PTPA: variants seen among roughly 807,000 people sequenced by gnomAD.
PTPA encodes the protein serine/threonine-protein phosphatase 2A activator.
Under a neutral mutation model 43.6 loss-of-function variants are expected in PTPA, and 13 were observed. The observed-to-expected ratio is 0.30, with a 90% confidence interval of 0.19 to 0.47. The LOEUF is 0.47. Ranked by LOEUF, PTPA falls within the 20% of genes least tolerant of loss-of-function variation. The pLI is 0.99. For synonymous variants in PTPA, 172 were observed against 158.2 expected (o/e 1.09, Z -0.66); for missense variants, 329 against 411.9 (o/e 0.80, Z 1.74).
chr9:129,110,989 A>T, upstream of PTPA: 1 of 1,371,212 alleles, frequency 7.3e-7, no homozygotes, highest in Non-Finnish European at 9.8e-7. This position sits in a 1 kb window ranked among gnomAD's most constrained non-coding sequence, Gnocchi z 5.3. Flanking sequence ...GTCACCGTCC[A>T]GCTGTCTCTC....
At chr9:129,126,737 GTTTCAGCCCCAGTTCCCTTTC>G (rs375927782) in intron 3 of PTPA, among the ~76,000 whole-genome samples, 33 of 152,288 alleles carry the variant, frequency 2.2e-4, no homozygotes, top group African/African-American at 7.5e-4. Context: ...CCTCGAAGGT[GTTTCAGCCCCAGTTCCCTTTC>G]TTTCAGCCCT....
At chr9:129,143,314 T>G in intron 9 of PTPA, 1 of 703,078 alleles carries the variant, frequency 1.4e-6, no homozygotes. Context: ...AGGGAAGGGC[T>G]GGATGTGAAG....
intron 9 of PTPA, among the ~76,000 whole-genome samples, chr9:129,147,058 G>A (rs561884263): frequency 3.8e-4 from 58 of 152,302 alleles, no homozygotes; most frequent in African/African-American, 1.3e-3. Context: ...TGGGCTGGGG[G>A]TCCCCAGTGA....
chr9:129,114,967 C>T (rs1234471400), intron 1 of PTPA, among the ~76,000 whole-genome samples: 5 of 152,092 alleles, frequency 3.3e-5, no homozygotes, highest in Admixed American at 3.3e-4. Flanking sequence ...TGTGAAATAT[C>T]CCGGTTAAAT....
intron 3 of PTPA, chr9:129,128,024 G>T (rs775294820): frequency 7.4e-7 from 1 of 1,348,062 alleles, no homozygotes; most frequent in East Asian, 4.7e-5. Context: ...GTCCTGCGAT[G>T]AATGCATACC....
At chr9:129,136,423 T>C in intron 6 of PTPA, 48 bp from the exon 7 acceptor site, 1 of 1,570,646 alleles carries the variant, frequency 6.4e-7, no homozygotes, top group Non-Finnish European at 8.7e-7. Context: ...AGGGTGAGAC[T>C]GTCTTTTTAC....
Position 129,147,572 on chromosome 9 carries a change from G to C in PTPA, c.*108G>C, listed in dbSNP as rs893265887. The C allele has an allele frequency of 8.1e-6, 10 of 1,231,668 alleles. No individual in the cohort carries two copies. The highest frequency in any genetic ancestry group is 1.0e-5 in the Non-Finnish European group (9 of 869,736). The allele number at this position is 1,231,668 out of a possible 1,614,324, so 76.3% of individuals were successfully genotyped here. ...TCCCTCTGTTCGTCCCGTTTGATGA[G>C]AGGCTGTTTACTGGGGTGGGGTGGC... On this transcript the variant is annotated 3_prime_UTR_variant, in exon 10 of 10. Coordinates refer to ENST00000393370, the MANE Select transcript of PTPA (RefSeq NM_178000.3).
intron 1 of PTPA, among the ~76,000 whole-genome samples, chr9:129,117,170 C>T (rs1280545172): frequency 6.6e-6 from 1 of 151,860 alleles, no homozygotes; most frequent in Admixed American, 6.6e-5. Flanking sequence ...GCCTCAGCCC[C>T]CGAATAGCTA....
intron 2 of PTPA, 21 bp from the exon 3 acceptor site, chr9:129,123,031 A>G (rs777946624): frequency 3.2e-6 from 5 of 1,575,778 alleles, no homozygotes; most frequent in Non-Finnish European, 2.6e-6. Context: ...CCCCATCCCC[A>G]TTCTCCTCTC....
chr9:129,143,655 C>T, intron 9 of PTPA: 1 of 522,384 alleles, frequency 1.9e-6, no homozygotes, highest in Non-Finnish European at 3.5e-6. Context: ...CTCCCTTCCG[C>T]CCCCTCCCCC....
intron 1 of PTPA, among the ~76,000 whole-genome samples, chr9:129,113,452 G>A (rs1386557257): frequency 6.6e-6 from 1 of 151,762 alleles, no homozygotes; most frequent in East Asian, 2.0e-4. Context: ...TGGGCTGTGG[G>A]TTGAACAAGC....
intron 9 of PTPA, among the ~76,000 whole-genome samples, chr9:129,146,602 G>A (rs1220233617): frequency 6.6e-6 from 1 of 152,326 alleles, no homozygotes; most frequent in South Asian, 2.1e-4. Flanking sequence ...TCCAACCCTC[G>A]CATGCCCAGA....
chr9:129,134,684 T>A, intron 5 of PTPA, 111 bp from the exon 6 acceptor site: 1 of 801,756 alleles, frequency 1.2e-6, no homozygotes, highest in Non-Finnish European at 2.0e-6. Context: ...GTCTCCATGT[T>A]GACCACCCTC....
At chr9:129,126,469 T>C (rs3124506) in intron 3 of PTPA, among the ~76,000 whole-genome samples, 151,593 of 152,210 alleles carry the variant, frequency 1, 75,496 homozygotes, top group Middle Eastern at 1. Context: ...CGTGAGCCAC[T>C]GTGCCTGGCC....
At chr9:129,131,490 C>T in intron 4 of PTPA, 32 bp from the exon 5 acceptor site, 1 of 1,599,056 alleles carries the variant, frequency 6.3e-7, no homozygotes, top group Non-Finnish European at 8.6e-7. Context: ...GCTTAATATG[C>T]TGCCACCACT....
intron 1 of PTPA, among the ~76,000 whole-genome samples, chr9:129,114,665 A>C (rs1208129225): frequency 6.6e-6 from 1 of 152,190 alleles, no homozygotes; most frequent in Non-Finnish European, 1.5e-5. Context: ...TATATATTAT[A>C]GTCTTTGTTG....
chr9:129,143,558 G>T (rs1341256713), intron 9 of PTPA: 1 of 652,210 alleles, frequency 1.5e-6, no homozygotes, highest in East Asian at 2.7e-5. Context: ...CGGGGTGGGG[G>T]AGCACAGATG....
intron 3 of PTPA, 65 bp downstream of exon 3, chr9:129,123,203 G>A (rs916402522): frequency 2.7e-5 from 37 of 1,394,924 alleles, no homozygotes; most frequent in Non-Finnish European, 3.2e-5. Flanking sequence ...ACTGGGTGCG[G>A]TGGCTCACCT....
At chr9:129,144,327 T>C (rs1387963255) in intron 9 of PTPA, among the ~76,000 whole-genome samples, 2 of 151,934 alleles carry the variant, frequency 1.3e-5, no homozygotes, top group African/African-American at 2.4e-5. Flanking sequence ...CAACTCAGGA[T>C]GGGGGAGCTC....
Sources: allele counts gnomAD v4.1 joint callset (sites outside exome capture counted in the v4.1 genomes callset), GRCh38; gene constraint gnomAD v4.1.1; non-coding constraint Gnocchi (gnomAD v3.1); transcripts MANE v1.5; gene names NCBI Gene and HGNC (gene_info 2026-07-23, HGNC 2026-07-21).